Variants in DCLK1 observed in about 807,000 individuals in gnomAD.
DCLK1 encodes doublecortin like kinase 1.
DCLK1 carries 16 observed loss-of-function variants against 86.2 expected under a neutral mutation model. The observed-to-expected ratio is 0.19, with a 90% CI of 0.13 to 0.28. DCLK1 has a LOEUF of 0.28. DCLK1 is among the 10% of genes least tolerant of loss of function. The probability of loss-of-function intolerance (pLI) is 1.00; values close to 1 mark genes in which losing one functional copy is unlikely to be tolerated. For synonymous variants in DCLK1, 369 were observed against 370.5 expected (o/e 1.00, Z 0.05); for missense variants, 590 against 940.2 (o/e 0.63, Z 4.87).
intron 4 of DCLK1, among the ~76,000 whole-genome samples, chr13:35,896,470 G>A (rs1362539042): frequency 4.8e-5 from 7 of 146,590 alleles, no homozygotes; most frequent in East Asian, 4.0e-4. Flanking sequence ...CTCGGAAGCC[G>A]GAGGTCGCAG....
chr13:35,952,001 C>A (rs1165408789), intron 3 of DCLK1, among the ~76,000 whole-genome samples: 1 of 152,134 alleles, frequency 6.6e-6, no homozygotes, highest in Non-Finnish European at 1.5e-5. Flanking sequence ...TCTGAGTTAA[C>A]CCAGCACTTC....
chr13:36,062,054 C>T (rs549116007), intron 3 of DCLK1, among the ~76,000 whole-genome samples: 1 of 152,198 alleles, frequency 6.6e-6, no homozygotes, highest in Admixed American at 6.5e-5. Flanking sequence ...GTGATTCACA[C>T]TTCAGTTGAG....
intron 8 of DCLK1, 101 bp from the exon 9 acceptor site, chr13:35,828,408 T>C (rs1566554806): frequency 1.1e-6 from 1 of 914,034 alleles, no homozygotes; most frequent in Non-Finnish European, 1.6e-6. Flanking sequence ...TCTTGCATCA[T>C]GTTGTAAATA....
At chr13:35,792,128 C>T (rs1411388378) in intron 16 of DCLK1, among the ~76,000 whole-genome samples, 1 of 152,156 alleles carries the variant, frequency 6.6e-6, no homozygotes, top group South Asian at 2.1e-4. Context: ...AAAACTTCAG[C>T]GGCACTGAGG....
intron 1 of DCLK1, among the ~76,000 whole-genome samples, chr13:36,130,585 G>A (rs1053796387): frequency 1.3e-5 from 2 of 152,250 alleles, no homozygotes; most frequent in Non-Finnish European, 2.9e-5. Flanking sequence ...TGTCCCTGAA[G>A]GAACTTGAGA....
chr13:35,826,535 A>G (rs1474423276), intron 10 of DCLK1, among the ~76,000 whole-genome samples: 644 of 33,628 alleles, frequency 0.019, 185 homozygotes, highest in East Asian at 0.055. Context: ...AAAAAAAAAA[A>G]AAAAAAAGAA....
chr13:36,090,487 A>T (rs1329202684), intron 3 of DCLK1, among the ~76,000 whole-genome samples: 1 of 152,126 alleles, frequency 6.6e-6, no homozygotes, highest in Admixed American at 6.5e-5. Context: ...GTGAGGCTGG[A>T]AAGGGAGAAG....
At chr13:36,096,523 T>C (rs1033644865) in intron 3 of DCLK1, among the ~76,000 whole-genome samples, 1 of 152,086 alleles carries the variant, frequency 6.6e-6, no homozygotes, top group African/African-American at 2.4e-5. Flanking sequence ...AAGAAAGAAA[T>C]AGGTAATCTT....
At chr13:36,048,316 G>A (rs951921803) in intron 3 of DCLK1, among the ~76,000 whole-genome samples, 6 of 151,988 alleles carry the variant, frequency 3.9e-5, no homozygotes, top group Non-Finnish European at 8.8e-5. Flanking sequence ...AACTAAAACA[G>A]TATAAAAATA....
chr13:35,850,612 T>C, intron 6 of DCLK1: 1 of 1,318,008 alleles, frequency 7.6e-7, no homozygotes, highest in South Asian at 2.8e-5. Flanking sequence ...TCTTTTATCA[T>C]TTCAAGGTAT....
chr13:35,951,460 T>C (rs1877686831), intron 3 of DCLK1, among the ~76,000 whole-genome samples: 1 of 150,192 alleles, frequency 6.7e-6, no homozygotes, highest in Non-Finnish European at 1.5e-5. Flanking sequence ...TCTTACTCTT[T>C]GCCTGTTCGA....
chr13:36,050,571 A>G (rs1271244909), intron 3 of DCLK1, among the ~76,000 whole-genome samples: 1 of 152,200 alleles, frequency 6.6e-6, no homozygotes, highest in African/African-American at 2.4e-5. Context: ...CTGCCATAAA[A>G]TCTACCCATT....
At chr13:35,947,301 C>G in intron 4 of DCLK1, 57 bp downstream of exon 4, 1 of 1,420,350 alleles carries the variant, frequency 7.0e-7, no homozygotes, top group South Asian at 1.2e-5. Context: ...CCTGGTGCAG[C>G]TCATTTTCGA....
intron 3 of DCLK1, among the ~76,000 whole-genome samples, chr13:36,030,537 C>T (rs1882229208): frequency 6.7e-6 from 1 of 149,936 alleles, no homozygotes; most frequent in African/African-American, 2.5e-5. Context: ...AAACTCCTGA[C>T]CTCAGGTGAT....
At chr13:35,958,182 AC>A (rs1878198471) in intron 3 of DCLK1, among the ~76,000 whole-genome samples, 1 of 148,326 alleles carries the variant, frequency 6.7e-6, no homozygotes, top group Admixed American at 6.6e-5. Flanking sequence ...CACCACTATA[AC>A]CACCACTACC....
At chr13:35,986,078 C>T (rs1367439257) in intron 3 of DCLK1, among the ~76,000 whole-genome samples, 1 of 151,702 alleles carries the variant, frequency 6.6e-6, no homozygotes, top group African/African-American at 2.4e-5. Context: ...TCGAGGCAGG[C>T]AGATCACAAG....
At chr13:35,799,723 AT>A (rs1329379203) in intron 15 of DCLK1, among the ~76,000 whole-genome samples, 1 of 152,192 alleles carries the variant, frequency 6.6e-6, no homozygotes, top group Non-Finnish European at 1.5e-5. Flanking sequence ...AATGATGATA[AT>A]TTGATCCTAA....
At chr13:35,859,906 G>A (rs576578049) in intron 5 of DCLK1, among the ~76,000 whole-genome samples, 22 of 152,224 alleles carry the variant, frequency 1.4e-4, no homozygotes, top group South Asian at 6.2e-4. Flanking sequence ...TTTTGCAGTC[G>A]CGTTCCTAAA....
chr13:36,076,952 T>C (rs1400535153), intron 3 of DCLK1, among the ~76,000 whole-genome samples: 1 of 152,202 alleles, frequency 6.6e-6, no homozygotes, highest in Non-Finnish European at 1.5e-5. Context: ...TGACCTTACC[T>C]TCCTTGTCTA....
Sources: allele counts gnomAD v4.1 joint callset (sites outside exome capture counted in the v4.1 genomes callset), GRCh38; gene constraint gnomAD v4.1.1; transcripts MANE v1.5; gene names NCBI Gene and HGNC (gene_info 2026-07-23, HGNC 2026-07-21).